Variants in SEM1 observed in about 807,000 individuals in gnomAD.
SEM1 encodes the protein SEM1 26S proteasome subunit.
Under a neutral mutation model 12.7 loss-of-function variants are expected in SEM1, and 3 were observed. The ratio of observed to expected loss-of-function variants is 0.24; its 90% CI spans 0.11 to 0.61. The LOEUF is 0.61. Ranked by LOEUF, SEM1 falls within the 20% of genes least tolerant of loss-of-function variation. The pLI, the probability that SEM1 is intolerant of heterozygous loss-of-function variation, is 0.88. For missense variants in SEM1, 59 were observed against 81.3 expected (o/e 0.73, Z 1.06); for synonymous variants, 30 against 27.8 (o/e 1.08, Z -0.25).
chr7:96,587,005 C>T (rs542797765), intron 2 of SEM1, among the ~76,000 whole-genome samples: 71 of 152,140 alleles, frequency 4.7e-4, no homozygotes, highest in African/African-American at 1.3e-3. Flanking sequence ...TTCAGGTTTC[C>T]GAACAACCGC....
intron 2 of SEM1, among the ~76,000 whole-genome samples, chr7:96,675,224 C>T (rs1789420991): frequency 6.6e-6 from 1 of 152,092 alleles, no homozygotes; most frequent in South Asian, 2.1e-4. Context: ...GTCTTCTGCA[C>T]ACAGTATGGG....
chr7:96,647,436 T>C (rs1362168457), intron 2 of SEM1: 10 of 152,192 alleles, frequency 6.6e-5, no homozygotes, highest in African/African-American at 2.4e-4. Flanking sequence ...TACGTATGGT[T>C]TCTTTGAGAC....
In SEM1 at chr7:96,640,399, GA is replaced by G. The variant is rs1302315541; in HGVS notation, c.171-17757del. ...ATGGACTATTTTCCAGTGCTAAAAA[GA>G]AATGAGCTACCAAGCCATGAAAAGA... On this transcript the variant is annotated intron_variant, in intron 2 of 2. Coordinates refer to the SEM1 transcript ENST00000417009. The surrounding 1 kb of genome is among the most constrained non-coding windows in gnomAD (Gnocchi z 4.0). 2.0e-5 allele frequency among the ~76,000 whole-genome samples: 3 copies of G among 151,952 alleles called. No homozygotes were observed. Among genetic ancestry groups the G allele is most frequent in the Non-Finnish European group, 4.4e-5 (3 of 67,910 alleles).
chr7:96,608,776 A>C (rs1470334900), intron 2 of SEM1, among the ~76,000 whole-genome samples: 1 of 152,232 alleles, frequency 6.6e-6, no homozygotes, highest in African/African-American at 2.4e-5. Context: ...TGACAGAATA[A>C]TATTCCATAG....
At chr7:96,559,349 C>A (rs774327337) in intron 2 of SEM1, among the ~76,000 whole-genome samples, 4 of 152,138 alleles carry the variant, frequency 2.6e-5, no homozygotes, top group Non-Finnish European at 5.9e-5. Flanking sequence ...GTGGCACAAT[C>A]TCGGCTATTC....
At chr7:96,604,760 A>G (rs930123139) in intron 2 of SEM1, among the ~76,000 whole-genome samples, 45 of 152,030 alleles carry the variant, frequency 3.0e-4, no homozygotes, top group African/African-American at 1.0e-3. Context: ...CTGCACTAAA[A>G]ATACAAAAAT....
rs1165386392 is a variant in SEM1, at chr7:96,664,234, C to T, written c.170+30564G>A. 2.6e-5 allele frequency: 4 copies of T among 152,204 alleles called. No individual in the cohort carries two copies. In the South Asian group the frequency reaches 6.2e-4, roughly 24 times the overall value. 9.4% of individuals were successfully genotyped at this position (152,204 alleles called of 1,614,324 possible). A position where few individuals can be genotyped will look rare whatever the true frequency, so the allele number is the denominator to read the frequency against. The stretch of plus-strand genomic sequence containing the variant: ...GCAGGCCATATGTCTATATGGGTCT[C>T]CCTGGAACAACAGGAAGGTGTTAGC... On this transcript the variant is annotated intron_variant, in intron 2 of 2. Coordinates refer to the SEM1 transcript ENST00000417009.
chr7:96,662,009 A>AAT (rs1554431166), intron 2 of SEM1, among the ~76,000 whole-genome samples: 4,143 of 140,416 alleles, frequency 0.03, 303 homozygotes, highest in African/African-American at 0.089. Flanking sequence ...AAAAAAAAAA[A>AAT]AGTCAGCAAA....
At position 96,636,763 on chromosome 7, in the gene SEM1, G is replaced by A. The variant is rs77196218; in HGVS notation, c.171-14120C>T. On this transcript the variant is annotated intron_variant, in intron 2 of 2. Transcript: ENST00000417009. The stretch of plus-strand genomic sequence containing the variant: ...TAAAGAAATGTGGTTAGTGAAAGAA[G>A]CCACAAAATGAAGACTTCAGAATGG... 3.4e-3 allele frequency among the ~76,000 whole-genome samples: 518 copies of A among 152,184 alleles called. 4 individuals carry two copies. The highest frequency in any genetic ancestry group is 0.012 in the African/African-American group (498 of 41,544).
intron 1 of SEM1, among the ~76,000 whole-genome samples, chr7:96,704,464 T>C (rs1227994076): frequency 1.3e-5 from 2 of 152,192 alleles, no homozygotes; most frequent in Admixed American, 6.5e-5. Flanking sequence ...ATGAGGTGAC[T>C]AGCTGAAAGT....
At chr7:96,698,970 G>C (rs1338656753) in intron 1 of SEM1, among the ~76,000 whole-genome samples, 1 of 152,040 alleles carries the variant, frequency 6.6e-6, no homozygotes, top group Non-Finnish European at 1.5e-5. Flanking sequence ...TCCTGAACCT[G>C]GTAGATTTGT....
intron 2 of SEM1, among the ~76,000 whole-genome samples, chr7:96,585,737 CTGT>C (rs1806606507): frequency 1.4e-5 from 1 of 72,408 alleles, no homozygotes; most frequent in African/African-American, 5.1e-5. Flanking sequence ...TTTCCAGGTG[CTGT>C]CTGTCACCCC....
intron 2 of SEM1, among the ~76,000 whole-genome samples, chr7:96,650,707 G>C (rs961316157): frequency 9.9e-5 from 15 of 151,736 alleles, no homozygotes; most frequent in African/African-American, 3.6e-4. Flanking sequence ...CACACTCAGA[G>C]CTCCAAAACT....
chr7:96,544,891 AGAG>A (rs1205400928), intron 2 of SEM1, among the ~76,000 whole-genome samples: 1 of 152,002 alleles, frequency 6.6e-6, no homozygotes, highest in Non-Finnish European at 1.5e-5. Context: ...CTGAAGAGGA[AGAG>A]GAGACCTTGG....
intron 2 of SEM1, among the ~76,000 whole-genome samples, chr7:96,659,470 TG>T (rs1372284307): frequency 6.6e-6 from 1 of 152,146 alleles, no homozygotes; most frequent in East Asian, 1.9e-4. Context: ...CTTTACTAAA[TG>T]CACTTCCAGA....
At chr7:96,530,985 C>T (rs1432940375) in intron 2 of SEM1, among the ~76,000 whole-genome samples, 2 of 151,838 alleles carry the variant, frequency 1.3e-5, no homozygotes, top group African/African-American at 4.8e-5. Flanking sequence ...GCGCCATGCC[C>T]AAAACAATCA....
At chr7:96,673,562 T>C in exon 3 of SEM1, 1 of 595,038 alleles carries the variant, frequency 1.7e-6, no homozygotes, top group Non-Finnish European at 3.0e-6. Flanking sequence ...ATGCTAACCA[T>C]AATCCTACCT....
chr7:96,589,370 C>T (rs943945620), intron 2 of SEM1, among the ~76,000 whole-genome samples: 1 of 152,180 alleles, frequency 6.6e-6, no homozygotes, highest in Admixed American at 6.5e-5. Flanking sequence ...CCAGGCTGTG[C>T]TCTTCGGTCA....
At chr7:96,558,904 A>G (rs1805611948) in intron 2 of SEM1, among the ~76,000 whole-genome samples, 1 of 152,204 alleles carries the variant, frequency 6.6e-6, no homozygotes, top group South Asian at 2.1e-4. Context: ...CTGCTTATGG[A>G]CTAATATTGG....
Sources: allele counts gnomAD v4.1 joint callset (sites outside exome capture counted in the v4.1 genomes callset), GRCh38; gene constraint gnomAD v4.1.1; non-coding constraint Gnocchi (gnomAD v3.1); transcripts MANE v1.5; gene names NCBI Gene and HGNC (gene_info 2026-07-23, HGNC 2026-07-21).